The following TMEM260 variants were observed in gnomAD, a reference collection of about 807,000 sequenced individuals.
The protein encoded by TMEM260 is protein O-mannosyl-transferase TMEM260.
A neutral mutation model predicts 88.9 loss-of-function variants in TMEM260; 82 were observed. That is an observed-to-expected ratio of 0.92 (90% CI 0.77 to 1.11). TMEM260 has a LOEUF of 1.11. Among genes scored for constraint, TMEM260 ranks in the 50% least tolerant of loss-of-function variants. The pLI is 0.00. For synonymous variants in TMEM260, 314 were observed against 309.3 expected, an observed-to-expected ratio of 1.02 and a Z score of -0.16; for missense variants, 902 against 853.4, an observed-to-expected ratio of 1.06 and a Z score of -0.71.
At chr14:56,662,257 T>C in the TMEM260 span, among the ~76,000 whole-genome samples, 1 of 152,248 alleles carries the variant, frequency 6.6e-6, no homozygotes, top group East Asian at 1.9e-4. Flanking sequence ...ATATAGGTCA[T>C]GGATTTATTG....
At chr14:56,587,624 A>G (rs1282146034) in intron 3 of TMEM260, among the ~76,000 whole-genome samples, 3 of 152,072 alleles carry the variant, frequency 2.0e-5, no homozygotes, top group Non-Finnish European at 2.9e-5. Context: ...TGACTAAATT[A>G]GGTATTTGAG....
intron 3 of TMEM260, among the ~76,000 whole-genome samples, chr14:56,595,717 A>C (rs4898907): frequency 0.28 from 42,590 of 152,014 alleles, 6,826 homozygotes; most frequent in Non-Finnish European, 0.38. Context: ...TGAACCCCCA[A>C]GCACAAGCGA....
chr14:56,631,227 G>A (rs182961182), intron 12 of TMEM260, among the ~76,000 whole-genome samples: 11 of 152,336 alleles, frequency 7.2e-5, no homozygotes, highest in East Asian at 5.8e-4. Flanking sequence ...GGTTTTATAC[G>A]TTGGCATACT....
chr14:56,607,890 A>C (rs1030676367), intron 5 of TMEM260, among the ~76,000 whole-genome samples: 1 of 152,174 alleles, frequency 6.6e-6, no homozygotes, highest in Non-Finnish European at 1.5e-5. Context: ...CTCTCATGCA[A>C]TTGTCTCCCT....
Position 56,621,619 on chromosome 14 carries a change from A to G in TMEM260, c.1315A>G (p.Arg439Gly), listed in dbSNP as rs765543726. ...SMPHDAIILLRGDLPGNSLRY... is the reference protein window; with the variant it reads ...SMPHDAIILLGGDLPGNSLRY... Reference sequence around the variant, plus strand: ...GCCTCATGATGCAATTATCTTACTCAGAGGAGATTTGCCAGGAAATTCTCT... The same window carrying G: ...GCCTCATGATGCAATTATCTTACTCGGAGGAGATTTGCCAGGAAATTCTCT... Residue 439 changes from arginine to glycine, a missense_variant, in exon 11 of 16, where the codon AGA becomes GGA. Transcript: ENST00000261556. 2 of 1,613,654 alleles carry G rather than the reference A, an allele frequency of 1.2e-6. No homozygotes were observed. Among genetic ancestry groups the G allele is most frequent in the East Asian group, 2.2e-5 (1 of 44,826 alleles).
rs751788293 is a variant in TMEM260, at chr14:56,636,571, A to G, written c.1842A>G (p.Lys614=). 6.2e-7 allele frequency: 1 copy of G among 1,614,080 alleles called. No homozygotes were observed. Among genetic ancestry groups the G allele is most frequent in the South Asian group, 1.1e-5 (1 of 91,080 alleles). ...CTGCTCACATGCCTTCAAAAGTGAA[A>G]GCTCAACTCTACGCTCAAGCATATG... ...AETAHMPSKV[K]AQLYAQAYDL... The change falls in exon 15 of 16, where the codon AAA becomes AAG. Residue 614 remains lysine, a synonymous_variant. Coordinates refer to ENST00000261556, the MANE Select transcript of TMEM260 (RefSeq NM_017799.4).
chr14:56,589,704 T>C (rs932117955), intron 3 of TMEM260, among the ~76,000 whole-genome samples: 2 of 152,190 alleles, frequency 1.3e-5, no homozygotes, highest in African/African-American at 4.8e-5. Flanking sequence ...CAGATTGTTT[T>C]GTGCCAGTAT....
At chr14:56,590,848 A>C (rs1209357390) in intron 3 of TMEM260, among the ~76,000 whole-genome samples, 1 of 152,200 alleles carries the variant, frequency 6.6e-6, no homozygotes, top group Non-Finnish European at 1.5e-5. Flanking sequence ...AGCTGTCACC[A>C]GTAGGGGATT....
At chr14:56,655,512 T>C (rs1282029930), downstream of TMEM260, among the ~76,000 whole-genome samples, 1 of 152,198 alleles carries the variant, frequency 6.6e-6, no homozygotes, top group African/African-American at 2.4e-5. Flanking sequence ...CTTTGCGCGT[T>C]TGATAAAGAT....
intron 15 of TMEM260, among the ~76,000 whole-genome samples, chr14:56,641,327 C>T (rs1468047088): frequency 6.6e-6 from 1 of 152,098 alleles, no homozygotes. Flanking sequence ...TTGGGAGAAA[C>T]TCTACAAGCC....
intron 15 of TMEM260, among the ~76,000 whole-genome samples, chr14:56,640,079 GACAA>G (rs891483123): frequency 6.6e-5 from 10 of 152,246 alleles, no homozygotes; most frequent in South Asian, 2.1e-4. Flanking sequence ...GCAGGGCACA[GACAA>G]ACAAAAGGCA....
chr14:56,633,872 T>G (rs1029073923), intron 13 of TMEM260, among the ~76,000 whole-genome samples: 1 of 152,248 alleles, frequency 6.6e-6, no homozygotes, highest in Non-Finnish European at 1.5e-5. Flanking sequence ...TATTTAAAGA[T>G]TATATAACCT....
downstream of TMEM260, among the ~76,000 whole-genome samples, chr14:56,653,736 C>CAAAACAAAAAAACAAA (rs1890247355): frequency 1.5e-5 from 1 of 66,608 alleles, no homozygotes; most frequent in African/African-American, 5.9e-5. Context: ...CTCTTGTCTC[C>CAAAACAAAAAAACAAA]AAAACAAAAA....
intron 3 of TMEM260, among the ~76,000 whole-genome samples, chr14:56,603,160 A>C (rs988149183): frequency 6.6e-6 from 1 of 152,052 alleles, no homozygotes; most frequent in Non-Finnish European, 1.5e-5. Flanking sequence ...TTTGTTTCTG[A>C]GTGTAGCATC....
At chr14:56,610,860 A>G (rs1887214994) in intron 6 of TMEM260, among the ~76,000 whole-genome samples, 2 of 152,166 alleles carry the variant, frequency 1.3e-5, no homozygotes, top group Admixed American at 1.3e-4. Context: ...AGGAAAGTCT[A>G]TAATGGAAGT....
At chr14:56,640,928 G>T (rs192992459) in intron 15 of TMEM260, among the ~76,000 whole-genome samples, 1 of 151,928 alleles carries the variant, frequency 6.6e-6, no homozygotes, top group Admixed American at 6.5e-5. Context: ...GAAATGCAGC[G>T]AGAAGTTTAG....
the TMEM260 span, among the ~76,000 whole-genome samples, chr14:56,661,824 A>G: frequency 6.6e-6 from 1 of 152,186 alleles, no homozygotes; most frequent in African/African-American, 2.4e-5. Flanking sequence ...TTACTTTACA[A>G]ATGGCCTTCT....
In TMEM260 at chr14:56,649,323, C is replaced by T. The variant is rs1220959713; in HGVS notation, c.*1826C>T. 6.6e-6 allele frequency: 1 copy of T among 152,666 alleles called. No homozygotes were observed. The highest frequency in any genetic ancestry group is 1.5e-5 in the Non-Finnish European group (1 of 68,024). The allele number at this position is 152,666 out of a possible 1,614,324, so 9.5% of individuals were successfully genotyped here. A position where few individuals can be genotyped will look rare whatever the true frequency, so the allele number is the denominator to read the frequency against. On this transcript the variant is annotated 3_prime_UTR_variant, in exon 16 of 16. Coordinates refer to ENST00000261556, the MANE Select transcript of TMEM260 (RefSeq NM_017799.4). Reference sequence around the variant, plus strand: ...ACTTTCACTGACTTGAAAGTAACTTCTCCACAGGGAAGGACCAAAAACCTG... The same window carrying T: ...ACTTTCACTGACTTGAAAGTAACTTTTCCACAGGGAAGGACCAAAAACCTG...
At chr14:56,599,800 C>G (rs964613748) in intron 3 of TMEM260, among the ~76,000 whole-genome samples, 2 of 152,184 alleles carry the variant, frequency 1.3e-5, no homozygotes, top group African/African-American at 4.8e-5. Flanking sequence ...GTATGTGTTA[C>G]TTGGACTAAA....
Sources: gnomAD v4.1 joint callset for allele counts (sites outside exome capture counted in the v4.1 genomes callset) on GRCh38, gnomAD v4.1.1 for gene constraint, MANE v1.5 for transcripts, NCBI Gene and HGNC (gene_info 2026-07-23, HGNC 2026-07-21) for gene names.